RGS3: variants seen among roughly 807,000 people sequenced by gnomAD.
RGS3 encodes the protein regulator of G-protein signalling 3.
RGS3 carries 80 observed loss-of-function variants against 132.6 expected under a neutral mutation model. That is an observed-to-expected ratio of 0.60 (90% confidence interval 0.50 to 0.73). The LOEUF (loss-of-function observed/expected upper bound fraction) is 0.73, where lower values mean the gene tolerates loss of function less well. Ranked by LOEUF, RGS3 falls within the 30% of genes least tolerant of loss-of-function variation. The pLI is 0.00. For synonymous variants in RGS3, 598 were observed against 620.6 expected (o/e 0.96, Z 0.54); for missense variants, 1,382 against 1,530.8 (o/e 0.90, Z 1.62).
chr9:113,583,076 T>C (rs934824150), intron 19 of RGS3: 8 of 251,142 alleles, frequency 3.2e-5, no homozygotes, highest in African/African-American at 1.6e-4. Flanking sequence ...TTGACCCTGT[T>C]TCCTTTTCTG....
rs1830004320 is a variant in RGS3, at chr9:113,476,686, G to T, written c.416-2805G>T. Among the ~76,000 whole-genome samples the T allele has an allele frequency of 2.0e-5, 3 of 152,346 alleles. No homozygotes were observed. The South Asian group carries it at 6.2e-4, about 32-fold the overall frequency. ...TTGTCAGCCTCCAGCTTCTCACTTG[G>T]CCTTGCCCAAGTCCCTGTCCTAGCC... is the stretch of plus-strand genomic sequence containing the variant. On this transcript the variant is annotated intron_variant, in intron 3 of 24. Coordinates refer to ENST00000350696, the Ensembl canonical transcript of RGS3.
intron 13 of RGS3, among the ~76,000 whole-genome samples, chr9:113,508,072 A>G (rs1487149803): frequency 3.3e-5 from 5 of 152,206 alleles, no homozygotes; most frequent in African/African-American, 7.2e-5. Context: ...TCTGAGGTCA[A>G]ATAAGCTTGC....
chr9:113,495,935 C>T, intron 8 of RGS3, 89 bp downstream of exon 6: 1 of 1,189,006 alleles, frequency 8.4e-7, no homozygotes, highest in Non-Finnish European at 1.3e-6. Flanking sequence ...TTGGGCAGGG[C>T]TTCTCTCTGT....
intron 7 of RGS3, among the ~76,000 whole-genome samples, chr9:113,490,526 C>T (rs1830471533): frequency 6.6e-6 from 1 of 151,334 alleles, no homozygotes. Context: ...CAAATTGAAG[C>T]TTCCAGTATT....
At chr9:113,471,564 A>G (rs1473102729) in intron 3 of RGS3, among the ~76,000 whole-genome samples, 3 of 151,416 alleles carry the variant, frequency 2.0e-5, no homozygotes, top group Non-Finnish European at 4.4e-5. Flanking sequence ...AGCTTTTTTG[A>G]GTTGGTTTTT....
chr9:113,510,801 C>G (rs746511185), intron 14 of RGS3, among the ~76,000 whole-genome samples: 3 of 152,164 alleles, frequency 2.0e-5, no homozygotes, highest in Non-Finnish European at 4.4e-5. Flanking sequence ...AAGATCCTGA[C>G]CTTACTTTAT....
At chr9:113,594,004 C>T (rs1236706319) in intron 21 of RGS3, 6 of 1,612,934 alleles carry the variant, frequency 3.7e-6, no homozygotes, top group Admixed American at 1.7e-5. Context: ...CAGACACATG[C>T]CCCTTTCACG....
exon 20 of RGS3, chr9:113,583,480 G>A (rs1320661330): frequency 6.2e-7 from 1 of 1,614,234 alleles, no homozygotes; most frequent in Non-Finnish European, 8.5e-7. Flanking sequence ...TGAGAAGAGG[G>A]AGATGGCCTT....
chr9:113,565,051 G>C lies in RGS3; in HGVS notation c.2038-18399G>C, dbSNP rs1833932730. On this transcript the variant is annotated intron_variant, in intron 19 of 24. Transcript: ENST00000350696. The surrounding 1 kb of genome is among the most constrained non-coding windows in gnomAD (Gnocchi z 5.7). ...TGTGTGTGGGGTGGAGCCTGCTAGGGATCCCAGTGCCAGGGGGTGCCGTTG... is the reference window on the plus strand; with the variant it reads ...TGTGTGTGGGGTGGAGCCTGCTAGGCATCCCAGTGCCAGGGGGTGCCGTTG... 10 of 1,131,960 alleles carry C rather than the reference G, an allele frequency of 8.8e-6. No homozygotes were observed. Among genetic ancestry groups the C allele is most frequent in the Non-Finnish European group, 1.1e-5 (10 of 911,814 alleles). 70.1% of individuals were successfully genotyped at this position (1,131,960 alleles called of 1,614,324 possible). A position where few individuals can be genotyped will look rare whatever the true frequency, so the allele number is the denominator to read the frequency against.
chr9:113,498,878 C>T (rs1830771753), intron 10 of RGS3, among the ~76,000 whole-genome samples: 1 of 144,262 alleles, frequency 6.9e-6, no homozygotes, highest in Non-Finnish European at 1.5e-5. Flanking sequence ...GATCATGCCA[C>T]TGCACTCCAG....
chr9:113,507,409 C>G lies in RGS3; in HGVS notation c.1208C>G (p.Pro403Arg), dbSNP rs979115795. 1.2e-6 allele frequency: 2 copies of G among 1,613,936 alleles called. No homozygotes were observed. The highest frequency in any genetic ancestry group is 8.5e-7 in the Non-Finnish European group (1 of 1,180,028). The change falls in exon 13 of 25, where the codon CCC becomes CGC. Residue 403 changes from proline to arginine, a missense_variant. Transcript: ENST00000350696. The surrounding 1 kb of genome is among the most constrained non-coding windows in gnomAD (Gnocchi z 5.0). ...TCGACACATGACCTCCAGTCACCCC[C>G]CAACAAACGGGAGAAGAACTGCACC...
chr9:113,547,958 C>A lies in RGS3; in HGVS notation c.2037+11040C>A, dbSNP rs1232525734. On this transcript the variant is annotated intron_variant, in intron 19 of 24. Transcript: ENST00000350696. ...ACTATTAAGGGTTAAGTAGGCTGGC[C>A]TAGGAAGCTGACCACCATTTATAAC... Among the ~76,000 whole-genome samples, 3 of 152,118 alleles carry A rather than the reference C, an allele frequency of 2.0e-5. No homozygotes were observed. In the East Asian group the frequency reaches 5.8e-4, roughly 29 times the overall value.
rs1588302264 is a variant in RGS3 at position 113,591,572 on chromosome 9, G to A, written c.3080+175G>A. 1.1e-5 allele frequency: 7 copies of A among 615,856 alleles called. No individual in the cohort carries two copies. Among genetic ancestry groups the A allele is most frequent in the South Asian group, 1.1e-4 (6 of 54,836 alleles). 38.1% of individuals were successfully genotyped at this position (615,856 alleles called of 1,614,324 possible). On this transcript the variant is annotated intron_variant, in intron 21 of 24. Transcript: ENST00000350696. The surrounding 1 kb of genome is among the most constrained non-coding windows in gnomAD (Gnocchi z 4.4). ...AACTTTGCAGTGACCCCAAAGTGGG[G>A]TCACCTGGGTCCTGAGCATTCTCTC...
rs867081078 is a variant in RGS3 at position 113,446,295 on chromosome 9, A to G, written c.-13+1368A>G. On this transcript the variant is annotated intron_variant, in intron 1 of 25. Coordinates refer to the RGS3 transcript ENST00000374140. ...TTAACAGATATTGGGTATCTAATAC[A>G]TATTAGAGAATCATCCCTTAGATTA... Among the ~76,000 whole-genome samples, 6 of 152,242 alleles carry G rather than the reference A, an allele frequency of 3.9e-5. No individual in the cohort carries two copies. In the East Asian group the frequency reaches 1.2e-3, roughly 29 times the overall value.
At position 113,506,740 on chromosome 9, in the gene RGS3, G is replaced by A. The variant is rs755240618; in HGVS notation, c.1085+247G>A. Among the ~76,000 whole-genome samples the A allele has an allele frequency of 2.0e-5, 3 of 152,212 alleles. No homozygotes were observed. Among genetic ancestry groups the A allele is most frequent in the Admixed American group, 2.0e-4 (3 of 15,286 alleles). On this transcript the variant is annotated intron_variant, in intron 12 of 24. Coordinates refer to ENST00000350696, the Ensembl canonical transcript of RGS3. This position sits in a 1 kb window ranked among gnomAD's most constrained non-coding sequence, Gnocchi z 4.7. The stretch of plus-strand genomic sequence containing the variant: ...GCTCTCAGACTCTGTGGTTCAGGAC[G>A]GGGCACCAGGAGGTTGCTTTCTGCT...
intron 5 of RGS3, among the ~76,000 whole-genome samples, chr9:113,483,610 G>T (rs1017495312): frequency 1.3e-5 from 2 of 152,226 alleles, no homozygotes; most frequent in Non-Finnish European, 2.9e-5. Context: ...GCTTCCTAAA[G>T]TGTGGCAGCT....
chr9:113,498,128 C>T, intron 10 of RGS3, 48 bp downstream of exon 8: 2 of 1,577,268 alleles, frequency 1.3e-6, no homozygotes, highest in Middle Eastern at 1.7e-4. Context: ...GGATCTGCTC[C>T]TTGACAGCCC....
At chr9:113,590,845 A>C (rs1226034196) in intron 20 of RGS3, among the ~76,000 whole-genome samples, 1 of 152,212 alleles carries the variant, frequency 6.6e-6, no homozygotes, top group African/African-American at 2.4e-5. Context: ...GCTATAAGGC[A>C]AGAGAGGTGC....
chr9:113,581,933 G>A (rs7871186), intron 19 of RGS3: 69,321 of 712,554 alleles, frequency 0.097, 3,832 homozygotes, highest in African/African-American at 0.19. Context: ...GCCAGATCAC[G>A]CTAGAGTCCT....
Sources: allele counts gnomAD v4.1 joint callset (sites outside exome capture counted in the v4.1 genomes callset), GRCh38; gene constraint gnomAD v4.1.1; non-coding constraint Gnocchi (gnomAD v3.1); transcripts MANE v1.5; gene names NCBI Gene and HGNC (gene_info 2026-07-23, HGNC 2026-07-21).